LCORL: variants seen among roughly 807,000 people sequenced by gnomAD.
LCORL encodes the protein ligand dependent nuclear receptor corepressor like.
Under a neutral mutation model 141.8 loss-of-function variants are expected in LCORL, and 41 were observed. That is an observed-to-expected ratio of 0.29 (90% confidence interval 0.23 to 0.38). The LOEUF is 0.38. Ranked by LOEUF, LCORL falls within the 10% of genes least tolerant of loss-of-function variation. LCORL has a pLI of 1.00. For missense variants in LCORL, 1,759 were observed against 2,035.0 expected, an observed-to-expected ratio of 0.86 and a Z score of 2.61; for synonymous variants, 618 against 694.1, an observed-to-expected ratio of 0.89 and a Z score of 1.72.
rs912989341 is a variant in LCORL at position 18,021,034 on chromosome 4, C to A, written c.154+564G>T. Among the ~76,000 whole-genome samples the A allele has an allele frequency of 6.6e-6, 1 of 152,138 alleles. No individual in the cohort carries two copies. Among genetic ancestry groups the A allele is most frequent in the Non-Finnish European group, 1.5e-5 (1 of 67,988 alleles). On this transcript the variant is annotated intron_variant, in intron 1 of 7. Transcript: ENST00000635767. The surrounding 1 kb of genome is among the most constrained non-coding windows in gnomAD (Gnocchi z 5.5). The stretch of plus-strand genomic sequence containing the variant: ...GACGACGCCCCCGCCGCCCCTCGCC[C>A]CCAGCCGGCCCATCAGCGGCCCCCG...
chr4:18,003,094 T>C (rs114851158), intron 1 of LCORL, among the ~76,000 whole-genome samples: 10 of 152,248 alleles, frequency 6.6e-5, no homozygotes, highest in Admixed American at 2.0e-4. Context: ...CACTGCAAAT[T>C]TGGGGGTGCT....
At chr4:17,978,794 T>C (rs1717455021) in intron 1 of LCORL, among the ~76,000 whole-genome samples, 1 of 152,218 alleles carries the variant, frequency 6.6e-6, no homozygotes, top group African/African-American at 2.4e-5. Context: ...TCAAGGGCAC[T>C]GCATGCTGAT....
chr4:17,990,650 T>C (rs1305273229), intron 1 of LCORL, among the ~76,000 whole-genome samples: 1 of 151,942 alleles, frequency 6.6e-6, no homozygotes, highest in East Asian at 1.9e-4. Flanking sequence ...TGGTTTTTTT[T>C]TTTTTTTTTT....
At chr4:17,965,465 TG>T (rs1475198267) in intron 2 of LCORL, among the ~76,000 whole-genome samples, 1 of 152,150 alleles carries the variant, frequency 6.6e-6, no homozygotes, top group Non-Finnish European at 1.5e-5. Flanking sequence ...TCTCTCTTTT[TG>T]AAACTGTAAT....
At chr4:17,916,716 C>T (rs980544008) in intron 4 of LCORL, among the ~76,000 whole-genome samples, 3 of 143,908 alleles carry the variant, frequency 2.1e-5, no homozygotes, top group Non-Finnish European at 3.0e-5. Flanking sequence ...ATGATCTTGG[C>T]TCACTGCAAC....
At chr4:17,994,033 G>A (rs1720494989) in intron 1 of LCORL, among the ~76,000 whole-genome samples, 1 of 152,144 alleles carries the variant, frequency 6.6e-6, no homozygotes, top group South Asian at 2.1e-4. Context: ...TTGAGTGGTT[G>A]TTTCAAATGA....
At chr4:17,921,032 T>G (rs561758088) in intron 4 of LCORL, among the ~76,000 whole-genome samples, 1 of 152,272 alleles carries the variant, frequency 6.6e-6, no homozygotes, top group East Asian at 1.9e-4. Flanking sequence ...TTAATTTATT[T>G]TTTATTTTTT....
chr4:17,964,860 A>G (rs1201701162), intron 2 of LCORL, among the ~76,000 whole-genome samples: 1 of 141,136 alleles, frequency 7.1e-6, no homozygotes, highest in African/African-American at 2.9e-5. Flanking sequence ...AGGAAATCTT[A>G]CTGCCCTTTT....
chr4:17,842,643 ACTC>A (rs1481161590), exon 8 of LCORL: 2 of 327,438 alleles, frequency 6.1e-6, no homozygotes, highest in South Asian at 4.2e-5. Context: ...ACATGATGTG[ACTC>A]CTCTTTGATC....
intron 2 of LCORL, among the ~76,000 whole-genome samples, chr4:17,963,641 AT>A (rs34710064): frequency 0.25 from 36,974 of 150,642 alleles, 5,861 homozygotes; most frequent in African/African-American, 0.45. Flanking sequence ...TAAAACATAG[AT>A]TTTTTTTTTC....
chr4:17,858,146 G>A (rs746444983), intron 7 of LCORL, among the ~76,000 whole-genome samples: 3 of 152,144 alleles, frequency 2.0e-5, no homozygotes, highest in Admixed American at 6.6e-5. Context: ...TGAGCACGAC[G>A]TGGACAAATA....
At chr4:17,970,047 A>G (rs1715635424) in intron 2 of LCORL, among the ~76,000 whole-genome samples, 1 of 152,168 alleles carries the variant, frequency 6.6e-6, no homozygotes, top group South Asian at 2.1e-4. Context: ...AGACAAGCAG[A>G]AAACTTCTAT....
At chr4:17,872,872 T>C (rs1035343882) in intron 7 of LCORL, among the ~76,000 whole-genome samples, 1 of 152,102 alleles carries the variant, frequency 6.6e-6, no homozygotes, top group Non-Finnish European at 1.5e-5. Flanking sequence ...ACATAACAAC[T>C]TGGTGGGTGA....
Position 17,952,605 on chromosome 4 carries a change from C to T in LCORL, c.430+9298G>A, listed in dbSNP as rs549941763. Among the ~76,000 whole-genome samples the T allele has an allele frequency of 1.2e-4, 19 of 152,118 alleles. No homozygotes were observed. In the South Asian group the frequency reaches 2.9e-3, roughly 23 times the overall value. On this transcript the variant is annotated intron_variant, in intron 4 of 7. Transcript: ENST00000635767. ...TAATTTTTTGTATTTTTAGTAGAGA[C>T]GGGGTTTCACCGTGTTATCCAGGAT... is the stretch of plus-strand genomic sequence containing the variant.
rs116696352 is a variant in LCORL at position 17,918,103 on chromosome 4, T to C, written c.431-8758A>G. 7.6e-3 allele frequency among the ~76,000 whole-genome samples: 1,161 copies of C among 152,320 alleles called. 18 individuals are homozygous for C. The highest frequency in any genetic ancestry group is 0.026 in the African/African-American group (1,074 of 41,572). ...AAACATCTGTTCAATCATTAGTTGA[T>C]TGATCACTAAGCTAACTAGGTGAAG... is the stretch of plus-strand genomic sequence containing the variant. On this transcript the variant is annotated intron_variant, in intron 4 of 7. Coordinates refer to ENST00000635767, the Ensembl canonical transcript of LCORL.
intron 1 of LCORL, among the ~76,000 whole-genome samples, chr4:17,993,448 TC>T (rs1425605086): frequency 1.3e-5 from 2 of 151,912 alleles, no homozygotes; most frequent in African/African-American, 4.8e-5. Context: ...CAAGTGATCC[TC>T]CCGCCTCAGC....
chr4:17,951,784 C>T (rs898006774), intron 4 of LCORL, among the ~76,000 whole-genome samples: 1 of 152,164 alleles, frequency 6.6e-6, no homozygotes, highest in Non-Finnish European at 1.5e-5. Context: ...TAGAGCAGTG[C>T]CTGGCATGTA....
chr4:17,988,262 C>T (rs1232681924), intron 1 of LCORL, among the ~76,000 whole-genome samples: 2 of 152,096 alleles, frequency 1.3e-5, no homozygotes, highest in East Asian at 1.9e-4. Context: ...TGCCCAGTCT[C>T]GGGTATGTCT....
At position 17,845,914 on chromosome 4, in the gene LCORL, G is replaced by A. The variant is rs571414859; in HGVS notation, c.5603-13C>T. ...CACTTGTAGCATGCTGGAAGAAAAA[G>A]TGTAAGGCATTTTAGTTTTACTTTA... On this transcript the variant is annotated splice_polypyrimidine_tract_variant and intron_variant, in intron 7 of 7. Coordinates refer to ENST00000635767, the Ensembl canonical transcript of LCORL. The A allele has an allele frequency of 3.2e-6, 5 of 1,582,618 alleles. No homozygotes were observed. Among genetic ancestry groups the A allele is most frequent in the South Asian group, 1.2e-5 (1 of 86,402 alleles).
Sources: allele counts gnomAD v4.1 joint callset (sites outside exome capture counted in the v4.1 genomes callset), GRCh38; gene constraint gnomAD v4.1.1; non-coding constraint Gnocchi (gnomAD v3.1); transcripts MANE v1.5; gene names NCBI Gene and HGNC (gene_info 2026-07-23, HGNC 2026-07-21).